The following ABCF1 variants were observed in gnomAD, a reference collection of about 807,000 sequenced individuals.
The protein encoded by ABCF1 is ATP binding cassette subfamily F member 1, also known as ATP-binding cassette sub-family F member 1.
ABCF1 carries 73 observed loss-of-function variants against 126.3 expected under a neutral mutation model. The ratio of observed to expected loss-of-function variants is 0.58; its 90% CI spans 0.48 to 0.70. The LOEUF is 0.70. ABCF1 is among the 30% of genes least tolerant of loss of function. The pLI, the probability that ABCF1 is intolerant of heterozygous loss-of-function variation, is 0.00. For missense variants in ABCF1, 786 were observed against 1,057.5 expected (o/e 0.74, Z 3.56); for synonymous variants, 345 against 396.4 (o/e 0.87, Z 1.54).
At position 30,574,886 on chromosome 6, in the gene ABCF1, T is replaced by C. The variant is rs889748585; in HGVS notation, c.74-2523T>C. On this transcript the variant is annotated intron_variant, in intron 1 of 24. Transcript: ENST00000326195. This position sits in a 1 kb window ranked among gnomAD's most constrained non-coding sequence, Gnocchi z 4.3. ...GGTGTGGGTAGGGAAACAGAAAAGATAGGGTAGGGCCATTTTAGTCTGTGA... is the reference window on the plus strand; with the variant it reads ...GGTGTGGGTAGGGAAACAGAAAAGACAGGGTAGGGCCATTTTAGTCTGTGA... Among the ~76,000 whole-genome samples, 6 of 151,946 alleles carry C rather than the reference T, an allele frequency of 3.9e-5. No homozygotes were observed. Among genetic ancestry groups the C allele is most frequent in the Non-Finnish European group, 8.8e-5 (6 of 67,980 alleles).
intron 8 of ABCF1, among the ~76,000 whole-genome samples, chr6:30,581,271 G>A (rs1183827262): frequency 3.3e-5 from 5 of 151,914 alleles, no homozygotes; most frequent in Non-Finnish European, 7.4e-5. Flanking sequence ...ATCCCCTTGG[G>A]TCTCACTTGT....
At chr6:30,575,139 G>C (rs987442497) in intron 1 of ABCF1, among the ~76,000 whole-genome samples, 2 of 142,486 alleles carry the variant, frequency 1.4e-5, no homozygotes, top group Non-Finnish European at 3.0e-5. Flanking sequence ...GCGCGATCTT[G>C]GCTCACTGCA....
At position 30,584,262 on chromosome 6, in the gene ABCF1, G is replaced by A. The variant is rs1343813738; in HGVS notation, c.1173G>A (p.Leu391=). The A allele has an allele frequency of 1.9e-6, 3 of 1,613,138 alleles. No individual in the cohort carries two copies. The highest frequency in any genetic ancestry group is 2.2e-5 in the South Asian group (2 of 91,084). ...CTGACACCAAGCGATTGAAGCTGCT[G>A]GAAGAGGAGCGGCGGCTTCAGGGAC... ...LRADTKRLKL[L]EEERRLQGQL... The change falls in exon 13 of 25, where the codon CTG becomes CTA. Residue 391 remains leucine (L), a synonymous_variant. Transcript: ENST00000326195. The surrounding 1 kb of genome is among the most constrained non-coding windows in gnomAD (Gnocchi z 4.6).
At chr6:30,589,541 T>C in intron 20 of ABCF1, 147 bp from the exon 21 acceptor site, 1 of 848,046 alleles carries the variant, frequency 1.2e-6, no homozygotes, top group Non-Finnish European at 1.8e-6. Context: ...AGGTGGAGGT[T>C]GCAGTGAGCC....
rs978501023 is a variant in ABCF1 at position 30,584,786 on chromosome 6, G to A, written c.1391+220G>A. ...CCTGCAGCTGGGTGCAATGGGTCAC[G>A]CCTGTAATCCCAGCACTTTGGAAGG... On this transcript the variant is annotated intron_variant, in intron 14 of 24. Transcript: ENST00000326195. The surrounding 1 kb of genome is among the most constrained non-coding windows in gnomAD (Gnocchi z 4.6). Among the ~76,000 whole-genome samples the A allele has an allele frequency of 6.6e-6, 1 of 152,092 alleles. No individual in the cohort carries two copies. The highest frequency in any genetic ancestry group is 2.4e-5 in the African/African-American group (1 of 41,410).
intron 2 of ABCF1, 105 bp downstream of exon 2, chr6:30,577,560 T>C: frequency 7.3e-7 from 1 of 1,377,492 alleles, no homozygotes; most frequent in Non-Finnish European, 1.0e-6. Context: ...GAAAAGATCT[T>C]GTCAAGAGAG....
Position 30,584,059 on chromosome 6 carries a change from T to C in ABCF1, c.1103-133T>C. The C allele has an allele frequency of 7.0e-7, 1 of 1,424,124 alleles. No individual in the cohort carries two copies. Among genetic ancestry groups the C allele is most frequent in the East Asian group, 2.4e-5 (1 of 41,666 alleles). The allele number at this position is 1,424,124 out of a possible 1,614,324, so 88.2% of individuals were successfully genotyped here. On this transcript the variant is annotated intron_variant, in intron 12 of 24. Coordinates refer to ENST00000326195, the MANE Select transcript of ABCF1 (RefSeq NM_001025091.2). This position sits in a 1 kb window ranked among gnomAD's most constrained non-coding sequence, Gnocchi z 4.6. Reference sequence around the variant, plus strand: ...AAGGAGGGGAGGGTCAATGAGGAACTTGAGAGTGTTTTATTTGGAACAAGT... The same window carrying C: ...AAGGAGGGGAGGGTCAATGAGGAACCTGAGAGTGTTTTATTTGGAACAAGT...
At position 30,590,958 on chromosome 6, in the gene ABCF1, G is replaced by A. The variant is rs900546254; in HGVS notation, c.*257G>A. On this transcript the variant is annotated 3_prime_UTR_variant, in exon 25 of 25. Coordinates refer to ENST00000326195, the MANE Select transcript of ABCF1 (RefSeq NM_001025091.2). ...TTGGCATCCCCCTAAACAAACAAGAGGTGACCACCTTATTGTGAGGTTCCA... is the reference window on the plus strand; with the variant it reads ...TTGGCATCCCCCTAAACAAACAAGAAGTGACCACCTTATTGTGAGGTTCCA... 2.3e-6 allele frequency: 1 copy of A among 434,734 alleles called. No individual in the cohort carries two copies. The highest frequency in any genetic ancestry group is 2.0e-5 in the African/African-American group (1 of 49,476). 26.9% of individuals were successfully genotyped at this position (434,734 alleles called of 1,614,324 possible).
At chr6:30,575,369 ATT>A (rs9278733) in intron 1 of ABCF1, among the ~76,000 whole-genome samples, 4,689 of 149,082 alleles carry the variant, frequency 0.031, 120 homozygotes, top group African/African-American at 0.071. Flanking sequence ...CACCCGACCA[ATT>A]TTTTTTTTTT....
chr6:30,588,465 G>A (rs567807654), intron 20 of ABCF1, among the ~76,000 whole-genome samples: 61 of 151,968 alleles, frequency 4.0e-4, no homozygotes, highest in African/African-American at 1.4e-3. Context: ...GGGTTCACGC[G>A]ATTCTCCTGC....
chr6:30,586,631 C>A lies in ABCF1; in HGVS notation c.1961-10C>A. ...GGGACCTCTTTGACCACCTGTCTTC[C>A]ATCTTGCAGTTTGCATTGTGGGCCC... On this transcript the variant is annotated splice_polypyrimidine_tract_variant and intron_variant, in intron 19 of 24. Transcript: ENST00000326195. This position sits in a 1 kb window ranked among gnomAD's most constrained non-coding sequence, Gnocchi z 4.9. The A allele has an allele frequency of 6.2e-7, 1 of 1,613,532 alleles. No homozygotes were observed.
Position 30,582,416 on chromosome 6 carries a change from G to C in ABCF1, c.701G>C (p.Gly234Ala). The change falls in exon 9 of 25, where the codon GGG becomes GCG. Residue 234 changes from glycine (G) to alanine (A), a missense_variant. By Grantham distance (60) the Gly-to-Ala change is moderately conservative (BLOSUM62 0). Around this residue, in one of 4 missense-constraint regions of ABCF1, gnomAD observed 322 missense variants for 322.9 expected, o/e 1.00. Coordinates refer to ENST00000326195, the MANE Select transcript of ABCF1 (RefSeq NM_001025091.2). ...CAGGGTTCAGAGGAAGAAGGAGAAG[G>C]GGAAGAAGAGGAGGAGGAAGGAGGA... is the stretch of plus-strand genomic sequence containing the variant. ...AEQGSEEEGE[G>A]EEEEEEGGES... The C allele has an allele frequency of 1.2e-6, 2 of 1,608,132 alleles. No homozygotes were observed. The highest frequency in any genetic ancestry group is 1.7e-6 in the Non-Finnish European group (2 of 1,175,900).
In ABCF1 at chr6:30,574,150, T is replaced by G. The variant is rs953713833; in HGVS notation, c.73+2590T>G. 1.9e-4 allele frequency among the ~76,000 whole-genome samples: 27 copies of G among 139,930 alleles called. No individual in the cohort carries two copies. Among genetic ancestry groups the G allele is most frequent in the Non-Finnish European group, 2.8e-4 (18 of 63,634 alleles). The allele number at this position is 139,930 out of a possible 152,430, so 91.8% of individuals were successfully genotyped here. A position where few individuals can be genotyped will look rare whatever the true frequency, so the allele number is the denominator to read the frequency against. ...AAAAGATTTTTTTGGTTTTGGTGGGTTTTTTTTTTTTGTGACGGAGCCTCA... is the reference window on the plus strand; with the variant it reads ...AAAAGATTTTTTTGGTTTTGGTGGGGTTTTTTTTTTTGTGACGGAGCCTCA... On this transcript the variant is annotated intron_variant, in intron 1 of 24. Coordinates refer to ENST00000326195, the MANE Select transcript of ABCF1 (RefSeq NM_001025091.2). This position sits in a 1 kb window ranked among gnomAD's most constrained non-coding sequence, Gnocchi z 4.3.
intron 21 of ABCF1, 29 bp from the exon 22 acceptor site, chr6:30,589,777 A>G (rs1802341372): frequency 1.2e-6 from 2 of 1,614,068 alleles, no homozygotes. Context: ...TGTGACTTTA[A>G]CCGACCACCT....
chr6:30,585,460 C>A (rs1250225840), intron 15 of ABCF1, 98 bp from the exon 16 acceptor site: 9 of 1,578,574 alleles, frequency 5.7e-6, no homozygotes, highest in Admixed American at 1.7e-5. Flanking sequence ...TCTATTCAGA[C>A]CCCCCTTTCC....
intron 1 of ABCF1, among the ~76,000 whole-genome samples, chr6:30,575,303 T>G (rs1801443573): frequency 6.6e-6 from 1 of 151,954 alleles, no homozygotes; most frequent in Non-Finnish European, 1.5e-5. Flanking sequence ...CTCCTGACCT[T>G]GTGATCCACC....
Position 30,580,447 on chromosome 6 carries a change from TAAA to T in ABCF1, c.607_609del (p.Lys203del), listed in dbSNP as rs752967089. The T allele has an allele frequency of 1.2e-5, 18 of 1,535,800 alleles. No homozygotes were observed. Among genetic ancestry groups the T allele is most frequent in the Non-Finnish European group, 1.5e-5 (17 of 1,154,810 alleles). ...CTGCTCTGGACAATGAAGAGGAGGA[TAAA>T]GAAGAAGAAATTATAAAGGAAAAGG... On this transcript the variant is annotated inframe_deletion, in exon 8 of 25. Transcript: ENST00000326195.
chr6:30,575,127 T>C (rs1029054651), intron 1 of ABCF1, among the ~76,000 whole-genome samples: 2 of 149,818 alleles, frequency 1.3e-5, no homozygotes, highest in Non-Finnish European at 3.0e-5. Context: ...TGGAGTGCAG[T>C]GGCGCGATCT....
rs774856277 is a variant in ABCF1, at chr6:30,590,015, C to T, written c.2233+41C>T. The T allele has an allele frequency of 6.2e-6, 10 of 1,608,154 alleles. No homozygotes were observed. In the South Asian group the frequency reaches 9.9e-5, roughly 16 times the overall value. On this transcript the variant is annotated intron_variant, in intron 22 of 24. Coordinates refer to ENST00000326195, the MANE Select transcript of ABCF1 (RefSeq NM_001025091.2). Reference sequence around the variant, plus strand: ...CCAGGGAGGGTGCCCTTCACCTTATCATTCATGTCTACAAACTGTACCTAG... The same window carrying T: ...CCAGGGAGGGTGCCCTTCACCTTATTATTCATGTCTACAAACTGTACCTAG...
Sources: allele counts gnomAD v4.1 joint callset (sites outside exome capture counted in the v4.1 genomes callset), GRCh38; gene constraint gnomAD v4.1.1; regional missense constraint gnomAD v4.1.1; non-coding constraint Gnocchi (gnomAD v3.1); transcripts MANE v1.5; gene names NCBI Gene and HGNC (gene_info 2026-07-23, HGNC 2026-07-21).